The following ATRN variants were observed in gnomAD, a reference collection of about 807,000 sequenced individuals.
ATRN encodes the protein attractin-2.
In ATRN, 54 loss-of-function variants were observed where a neutral mutation model predicts 178.7. The ratio of observed to expected loss-of-function variants is 0.30; its 90% CI spans 0.24 to 0.38. ATRN has a LOEUF of 0.38. Among genes scored for constraint, ATRN ranks in the 10% least tolerant of loss-of-function variants. The probability of loss-of-function intolerance (pLI) is 1.00; values close to 1 mark genes in which losing one functional copy is unlikely to be tolerated. For synonymous variants in ATRN, 636 were observed against 663.0 expected, an observed-to-expected ratio of 0.96 and a Z score of 0.63; for missense variants, 1,443 against 1,815.1, an observed-to-expected ratio of 0.79 and a Z score of 3.73.
Position 3,547,392 on chromosome 20 carries a change from T to G in ATRN, c.846T>G (p.Cys282Trp). 6.2e-7 allele frequency: 1 copy of G among 1,613,988 alleles called. No individual in the cohort carries two copies. ...ECSENWKGEA[C>W]DIPHCTDNCG... ...CTGAAAACTGGAAAGGTGAAGCATG[T>G]GACATTCCTCACTGTACAGACAACT... The change falls in exon 5 of 29, where the codon TGT becomes TGG. Residue 282 changes from cysteine to tryptophan, a missense_variant. Transcript: ENST00000262919.
chr20:3,544,522 T>A (rs1025845904), intron 3 of ATRN, among the ~76,000 whole-genome samples: 7 of 151,922 alleles, frequency 4.6e-5, no homozygotes, highest in Admixed American at 6.6e-5. Context: ...GTGGTGGTGG[T>A]GAATCAATAA....
intron 27 of ATRN, 97 bp from the exon 28 acceptor site, chr20:3,644,057 G>A (rs2246799): frequency 0.38 from 341,544 of 894,380 alleles, 69,493 homozygotes; most frequent in African/African-American, 0.65. Flanking sequence ...TTATATACCT[G>A]AAATTGATGG....
chr20:3,596,017 A>G (rs1447771911), intron 20 of ATRN, among the ~76,000 whole-genome samples: 1 of 152,268 alleles, frequency 6.6e-6, no homozygotes, highest in African/African-American at 2.4e-5. Flanking sequence ...ATAGGAAAGA[A>G]GTGAGAAATT....
At chr20:3,536,788 A>G (rs1489379200) in intron 2 of ATRN, among the ~76,000 whole-genome samples, 4 of 152,220 alleles carry the variant, frequency 2.6e-5, no homozygotes, top group Admixed American at 6.6e-5. Context: ...AAGCGTGTCA[A>G]GAAGATGAGG....
rs239118 is a variant in ATRN, at chr20:3,498,410, A to G, written c.410+26893A>G. ...AGAATTTTAGACCAATATCCTTGAT[A>G]AACATTGATGCAGAAATCCTCAATA... On this transcript the variant is annotated intron_variant, in intron 1 of 28. Transcript: ENST00000262919. Among the ~76,000 whole-genome samples the G allele has an allele frequency of 7.5e-3, 1,141 of 152,148 alleles. 17 individuals are homozygous for G. The highest frequency in any genetic ancestry group is 0.026 in the African/African-American group (1,079 of 41,442).
At chr20:3,567,297 A>G (rs941913273) in intron 11 of ATRN, among the ~76,000 whole-genome samples, 1 of 152,184 alleles carries the variant, frequency 6.6e-6, no homozygotes, top group East Asian at 1.9e-4. Context: ...TTCTCCTAGC[A>G]CAGGATTTGG....
Position 3,488,342 on chromosome 20 carries a change from A to G in ATRN, c.410+16825A>G, listed in dbSNP as rs546205992. On this transcript the variant is annotated intron_variant, in intron 1 of 28. Transcript: ENST00000262919. ...TGTTTTGTCTTTCACACTTAAATCT[A>G]CAGTCCACCTAGAGAAAGAGTGTGT... 2.6e-5 allele frequency among the ~76,000 whole-genome samples: 4 copies of G among 152,228 alleles called. No homozygotes were observed. In the East Asian group the frequency reaches 7.7e-4, roughly 29 times the overall value.
intron 14 of ATRN, among the ~76,000 whole-genome samples, chr20:3,578,278 G>A (rs757325170): frequency 2.5e-4 from 38 of 152,122 alleles, no homozygotes; most frequent in Admixed American, 2.4e-3. Context: ...TTTTCTAATT[G>A]TTCTTCAGAA....
rs376906416 is a variant in ATRN at position 3,644,306 on chromosome 20, C to G, written c.4165+38C>G. 7.6e-5 allele frequency: 115 copies of G among 1,510,860 alleles called. 1 individual carries two copies. Among genetic ancestry groups the G allele is most frequent in the Middle Eastern group, 5.1e-4 (3 of 5,850 alleles). The allele number at this position is 1,510,860 out of a possible 1,614,324, so 93.6% of individuals were successfully genotyped here. On this transcript the variant is annotated intron_variant, in intron 28 of 28. Transcript: ENST00000262919. Reference sequence around the variant, plus strand: ...GGTCCAGCGAAAGACACCTTCTAAGCATGTGAGGGAGCTAAGCATGGGATA... The same window carrying G: ...GGTCCAGCGAAAGACACCTTCTAAGGATGTGAGGGAGCTAAGCATGGGATA...
Position 3,582,188 on chromosome 20 carries a change from C to T in ATRN, c.2598C>T (p.Tyr866=). ...GCCTTCGGAAGATCAATGTGTCCTA[C>T]TGGTGCTGGGAAGATATGTCCCCAT... The part of the protein sequence containing the change: ...WVGLRKINVS[Y]WCWEDMSPFT... Residue 866 remains tyrosine, a synonymous_variant, in exon 16 of 29, where the codon TAC becomes TAT. Transcript: ENST00000262919. 1.2e-6 allele frequency: 2 copies of T among 1,614,208 alleles called. No homozygotes were observed. Among genetic ancestry groups the T allele is most frequent in the Non-Finnish European group, 1.7e-6 (2 of 1,180,028 alleles).
chr20:3,578,871 G>A (rs549749531), intron 15 of ATRN, 99 bp downstream of exon 15: 11 of 1,174,844 alleles, frequency 9.4e-6, no homozygotes, highest in Admixed American at 5.2e-5. Flanking sequence ...TATGTGTGAC[G>A]TGCTTGGCAA....
In ATRN at chr20:3,540,228, T is replaced by C. The variant is rs1381431099; in HGVS notation, c.501T>C (p.Asn167=). 1.3e-6 allele frequency: 2 copies of C among 1,577,242 alleles called. No homozygotes were observed. Among genetic ancestry groups the C allele is most frequent in the South Asian group, 1.2e-5 (1 of 84,598 alleles). The part of the protein sequence containing the change: ...KCTWLIEGQP[N]RIMRLRFNHF... ...CTTTTTTTATTCTTTTCAGGCCAAA[T>C]AGAATAATGAGACTTCGTTTCAATC... is the stretch of plus-strand genomic sequence containing the variant. The change falls in exon 3 of 29, where the codon AAT becomes AAC. Residue 167 remains asparagine, a synonymous_variant. Transcript: ENST00000262919.
intron 9 of ATRN, among the ~76,000 whole-genome samples, chr20:3,562,792 T>C (rs535264255): frequency 4.6e-5 from 7 of 152,192 alleles, no homozygotes; most frequent in African/African-American, 1.7e-4. Flanking sequence ...GGGTACTGTT[T>C]TATATTCTGT....
intron 3 of ATRN, among the ~76,000 whole-genome samples, chr20:3,544,727 A>G (rs1053285332): frequency 6.6e-6 from 1 of 151,974 alleles, no homozygotes; most frequent in Non-Finnish European, 1.5e-5. Context: ...TTCATTCTGT[A>G]TTGATACGAT....
Position 3,535,335 on chromosome 20 carries a change from C to G in ATRN, c.493C>G (p.Gln165Glu). 1 of 1,519,542 alleles carries G rather than the reference C, an allele frequency of 6.6e-7. No individual in the cohort carries two copies. The allele number at this position is 1,519,542 out of a possible 1,614,324, so 94.1% of individuals were successfully genotyped here. A position where few individuals can be genotyped will look rare whatever the true frequency, so the allele number is the denominator to read the frequency against. The part of the protein sequence containing the change: ...KTKCTWLIEG[Q>E]PNRIMRLRFN... Reference sequence around the variant, plus strand: ...GAAGTGCACGTGGCTCATTGAAGGACAGTAAGTAGAAATGGCTGACTTAAT... The same window carrying G: ...GAAGTGCACGTGGCTCATTGAAGGAGAGTAAGTAGAAATGGCTGACTTAAT... Residue 165 changes from glutamine (Q) to glutamate (E), a missense_variant and splice_region_variant, in exon 2 of 29, where the codon CAG becomes GAG. Physicochemically the swap from Gln to Glu is conservative, Grantham distance 29. Around this residue, in one of 4 missense-constraint regions of ATRN, gnomAD observed 862 missense variants for 972.1 expected, o/e 0.89. Coordinates refer to ENST00000262919, the MANE Select transcript of ATRN (RefSeq NM_139321.3).
At chr20:3,519,970 C>A (rs1253130540) in intron 1 of ATRN, among the ~76,000 whole-genome samples, 5 of 152,074 alleles carry the variant, frequency 3.3e-5, no homozygotes, top group African/African-American at 9.7e-5. Context: ...TCAGAGTATA[C>A]CACTCAAGTA....
chr20:3,604,321 T>C, intron 24 of ATRN, 59 bp downstream of exon 24: 1 of 1,499,492 alleles, frequency 6.7e-7, no homozygotes, highest in Non-Finnish European at 8.9e-7. Flanking sequence ...TTAGTAAGAC[T>C]AAATTTACTA....
chr20:3,479,416 A>G (rs775087521), intron 1 of ATRN, among the ~76,000 whole-genome samples: 10 of 152,164 alleles, frequency 6.6e-5, no homozygotes, highest in Non-Finnish European at 1.5e-4. Context: ...CTGGACTAAG[A>G]TGTGATTGAC....
intron 1 of ATRN, among the ~76,000 whole-genome samples, chr20:3,513,800 G>A (rs547687857): frequency 5.3e-5 from 8 of 152,076 alleles, no homozygotes; most frequent in Non-Finnish European, 8.8e-5. Context: ...CCTTGAAGAG[G>A]TCCTTCACGT....
Sources: gnomAD v4.1 joint callset for allele counts (sites outside exome capture counted in the v4.1 genomes callset) on GRCh38, gnomAD v4.1.1 for gene constraint, gnomAD v4.1.1 regional missense constraint, MANE v1.5 for transcripts, NCBI Gene and HGNC (gene_info 2026-07-23, HGNC 2026-07-21) for gene names.